Variants in RABGAP1L observed in about 807,000 individuals in gnomAD.
RABGAP1L encodes RAB GTPase activating protein 1 like.
In RABGAP1L, 63 loss-of-function variants were observed where a neutral mutation model predicts 137.7. The ratio of observed to expected loss-of-function variants is 0.46; its 90% CI spans 0.37 to 0.56. The LOEUF is 0.56. Ranked by LOEUF, RABGAP1L falls within the 20% of genes least tolerant of loss-of-function variation. The probability of loss-of-function intolerance (pLI) is 0.00; values close to 1 mark genes in which losing one functional copy is unlikely to be tolerated. For synonymous variants in RABGAP1L, 431 were observed against 433.7 expected (o/e 0.99, Z 0.08); for missense variants, 1,095 against 1,244.0 (o/e 0.88, Z 1.80).
At chr1:174,614,817 T>C (rs902790207) in intron 13 of RABGAP1L, among the ~76,000 whole-genome samples, 3 of 152,216 alleles carry the variant, frequency 2.0e-5, no homozygotes, top group African/African-American at 7.2e-5. Flanking sequence ...TCTTGCTTCA[T>C]TTCATTCATT....
chr1:174,168,248 G>A (rs1359046218), intron 1 of RABGAP1L, among the ~76,000 whole-genome samples: 1 of 118,994 alleles, frequency 8.4e-6, no homozygotes, highest in Non-Finnish European at 1.6e-5. Context: ...CTGAGCTACA[G>A]AGTGAGACTC....
In RABGAP1L at chr1:174,253,813, C is replaced by T. The variant is rs1474250906; in HGVS notation, c.986+1223C>T. Among the ~76,000 whole-genome samples, 5 of 152,258 alleles carry T rather than the reference C, an allele frequency of 3.3e-5. No individual in the cohort carries two copies. In the East Asian group the frequency reaches 9.7e-4, roughly 29 times the overall value. On this transcript the variant is annotated intron_variant, in intron 7 of 25. Coordinates refer to ENST00000681986, the MANE Select transcript of RABGAP1L (RefSeq NM_001366446.1). ...GAAGTATTATTTTTAGTGGCAAAAA[C>T]TGGAAATACAGATGCCTATTTGGCT...
At chr1:174,335,435 G>A (rs1681395994) in intron 11 of RABGAP1L, among the ~76,000 whole-genome samples, 1 of 152,106 alleles carries the variant, frequency 6.6e-6, no homozygotes, top group East Asian at 1.9e-4. Context: ...AATGAATTAA[G>A]GTATCTTTGC....
intron 1 of RABGAP1L, among the ~76,000 whole-genome samples, chr1:174,176,272 C>G (rs1224420240): frequency 6.6e-6 from 1 of 152,076 alleles, no homozygotes; most frequent in African/African-American, 2.4e-5. Context: ...TTTTTGTAAC[C>G]TGTTACATTT....
At chr1:174,724,057 C>T (rs895871528) in intron 17 of RABGAP1L, among the ~76,000 whole-genome samples, 2 of 152,170 alleles carry the variant, frequency 1.3e-5, no homozygotes, top group African/African-American at 4.8e-5. Flanking sequence ...TCCTCTAGCA[C>T]TTGTGCTTTT....
At chr1:174,463,197 A>C (rs962621061) in intron 13 of RABGAP1L, among the ~76,000 whole-genome samples, 7 of 152,286 alleles carry the variant, frequency 4.6e-5, no homozygotes, top group East Asian at 3.9e-4. Flanking sequence ...ATGCTGCTAT[A>C]AAGACACGTG....
At chr1:174,806,826 C>T (rs1689348395) in intron 18 of RABGAP1L, among the ~76,000 whole-genome samples, 2 of 152,206 alleles carry the variant, frequency 1.3e-5, no homozygotes, top group African/African-American at 2.4e-5. Context: ...CACTCTGTCA[C>T]CTAGGCTGGA....
chr1:174,735,612 CAAAAAAAAAA>C (rs59281177), intron 17 of RABGAP1L, among the ~76,000 whole-genome samples: 4 of 46,134 alleles, frequency 8.7e-5, no homozygotes, highest in Non-Finnish European at 1.5e-4. Flanking sequence ...AACTCCATCT[CAAAAAAAAAA>C]AAAAAAAAAA....
At chr1:174,381,256 GT>G (rs1345767922) in intron 12 of RABGAP1L, among the ~76,000 whole-genome samples, 3 of 146,488 alleles carry the variant, frequency 2.0e-5, no homozygotes, top group African/African-American at 7.7e-5. Flanking sequence ...TGAAAAAAAT[GT>G]ATATTCTGTT....
intron 19 of RABGAP1L, among the ~76,000 whole-genome samples, chr1:174,815,436 C>A (rs1186303599): frequency 6.6e-6 from 1 of 152,190 alleles, no homozygotes; most frequent in Non-Finnish European, 1.5e-5. Context: ...CAAAAGTAAT[C>A]AAGTTTTAAA....
At chr1:174,182,054 G>A (rs1400386383) in intron 1 of RABGAP1L, among the ~76,000 whole-genome samples, 1 of 152,242 alleles carries the variant, frequency 6.6e-6, no homozygotes, top group Non-Finnish European at 1.5e-5. Context: ...AAGTTCTGAT[G>A]CAGATGGATA....
intron 7 of RABGAP1L, among the ~76,000 whole-genome samples, chr1:174,265,251 T>C (rs1465707813): frequency 6.6e-6 from 1 of 152,212 alleles, no homozygotes; most frequent in Non-Finnish European, 1.5e-5. Flanking sequence ...TGTATCACTA[T>C]CTGAATGTCC....
chr1:174,971,857 T>A (rs1670157903), intron 21 of RABGAP1L, among the ~76,000 whole-genome samples: 1 of 152,218 alleles, frequency 6.6e-6, no homozygotes, highest in Non-Finnish European at 1.5e-5. Context: ...TGGCAAACTT[T>A]AAACAAATAT....
intron 11 of RABGAP1L, among the ~76,000 whole-genome samples, chr1:174,368,947 T>G (rs375151885): frequency 4.6e-5 from 7 of 152,306 alleles, no homozygotes; most frequent in African/African-American, 1.7e-4. Flanking sequence ...CTTTTCTCTT[T>G]TTTGTTTTCA....
intron 3 of RABGAP1L, among the ~76,000 whole-genome samples, chr1:174,222,316 A>G (rs1285290226): frequency 6.6e-6 from 1 of 152,200 alleles, no homozygotes; most frequent in Admixed American, 6.5e-5. Context: ...GAAACTCGTG[A>G]TTCATTTCTG....
chr1:174,441,594 C>G lies in RABGAP1L; in HGVS notation c.1710+47449C>G, dbSNP rs533247460. On this transcript the variant is annotated intron_variant, in intron 13 of 25. Transcript: ENST00000681986. The stretch of plus-strand genomic sequence containing the variant: ...TACTAAAAATACAAAATTAGTCAGG[C>G]GTGGTGGTGCATGCCTGTAATCCCA... Among the ~76,000 whole-genome samples the G allele has an allele frequency of 1.2e-4, 18 of 151,924 alleles. No individual in the cohort carries two copies. The East Asian group carries it at 3.1e-3, about 26-fold the overall frequency.
chr1:174,493,516 TTGA>T (rs2149358818), intron 13 of RABGAP1L, among the ~76,000 whole-genome samples: 1 of 152,000 alleles, frequency 6.6e-6, no homozygotes, highest in South Asian at 2.1e-4. Flanking sequence ...AATATTAAAG[TTGA>T]TGATAATTTT....
At chr1:174,589,739 T>C (rs1214202649) in intron 13 of RABGAP1L, among the ~76,000 whole-genome samples, 1 of 152,232 alleles carries the variant, frequency 6.6e-6, no homozygotes. Flanking sequence ...ATGTATGTTC[T>C]TGGCATGTTG....
chr1:174,534,996 C>G (rs987860774), intron 13 of RABGAP1L, among the ~76,000 whole-genome samples: 1 of 152,044 alleles, frequency 6.6e-6, no homozygotes, highest in Non-Finnish European at 1.5e-5. Flanking sequence ...AGGTTATGCT[C>G]ACATCATGGT....
Sources: allele counts gnomAD v4.1 joint callset (sites outside exome capture counted in the v4.1 genomes callset), GRCh38; gene constraint gnomAD v4.1.1; transcripts MANE v1.5; gene names NCBI Gene and HGNC (gene_info 2026-07-23, HGNC 2026-07-21).